The following ACOT11 variants were observed in gnomAD, a reference collection of about 807,000 sequenced individuals.
The protein encoded by ACOT11 is acyl-coenzyme A thioesterase 11.
A neutral mutation model predicts 77.5 loss-of-function variants in ACOT11; 69 were observed. That is an observed-to-expected ratio of 0.89 (90% CI 0.73 to 1.09). The LOEUF (loss-of-function observed/expected upper bound fraction) is 1.09, where lower values mean the gene tolerates loss of function less well. Ranked by LOEUF, ACOT11 falls within the 50% of genes least tolerant of loss-of-function variation. ACOT11 has a pLI of 0.00. For missense variants in ACOT11, 766 were observed against 813.7 expected (o/e 0.94, Z 0.71); for synonymous variants, 279 against 313.0 (o/e 0.89, Z 1.15).
Position 54,609,606 on chromosome 1 carries a change from C to G in ACOT11, c.*494C>G, listed in dbSNP as rs371266614. On this transcript the variant is annotated 3_prime_UTR_variant, in exon 16 of 16. Coordinates refer to ENST00000343744, the MANE Select transcript of ACOT11 (RefSeq NM_147161.4). ...TCAGGCCAGCCTGGTGCCACAGTCACGTGGGGGAAGACCTCAGCCACAGCT... is the reference window on the plus strand; with the variant it reads ...TCAGGCCAGCCTGGTGCCACAGTCAGGTGGGGGAAGACCTCAGCCACAGCT... 1.2e-6 allele frequency: 2 copies of G among 1,613,176 alleles called. No homozygotes were observed. Among genetic ancestry groups the G allele is most frequent in the African/African-American group, 2.7e-5 (2 of 74,858 alleles).
downstream of ACOT11, chr1:54,610,736 T>A: frequency 1.1e-6 from 1 of 915,342 alleles, no homozygotes; most frequent in Non-Finnish European, 1.3e-6. Flanking sequence ...CAAGGTCTTA[T>A]AAGCAGTAAG....
chr1:54,571,825 C>A (rs943181579), intron 1 of ACOT11, among the ~76,000 whole-genome samples: 2 of 152,030 alleles, frequency 1.3e-5, no homozygotes, highest in Non-Finnish European at 2.9e-5. Flanking sequence ...CCATCTGGGG[C>A]CTTGGGGTAG....
rs138824944 is a variant in ACOT11 at position 54,571,240 on chromosome 1, T to A, written c.34-13415T>A. Among the ~76,000 whole-genome samples the A allele has an allele frequency of 6.5e-4, 99 of 152,300 alleles. 2 individuals are homozygous for A. The East Asian group carries it at 0.017, about 26-fold the overall frequency. On this transcript the variant is annotated intron_variant, in intron 1 of 15. Transcript: ENST00000343744. ...AGTCTGAAGCCCTTGGGCCTTGCTG[T>A]CCTCTTTGCCAGCCCCCATGCCTTC...
chr1:54,580,058 T>C (rs1557654624), intron 1 of ACOT11, among the ~76,000 whole-genome samples: 1 of 152,206 alleles, frequency 6.6e-6, no homozygotes, highest in African/African-American at 2.4e-5. Flanking sequence ...CTTGGTGTTG[T>C]TTAATTTCCT....
At chr1:54,631,130 A>T (rs1644297351) in intron 16 of ACOT11, among the ~76,000 whole-genome samples, 1 of 152,116 alleles carries the variant, frequency 6.6e-6, no homozygotes, top group African/African-American at 2.4e-5. Context: ...GACTCCCCAG[A>T]TCTTTCTTTT....
Position 54,597,411 on chromosome 1 carries a change from G to A in ACOT11, c.760G>A (p.Ala254Thr), listed in dbSNP as rs773558097. The A allele has an allele frequency of 3.4e-5, 55 of 1,611,210 alleles. No homozygotes were observed. The East Asian group carries it at 1.2e-3, about 35-fold the overall frequency. ...GATGGAGAATGTGGCCACCATTGCA[G>A]CCAGGTGAGGGCAGGGTGTGCTGCC... is the stretch of plus-strand genomic sequence containing the variant. Reference protein sequence around the residue: ...AWMENVATIAASRLCRAHPTL... With the variant: ...AWMENVATIATSRLCRAHPTL... The change falls in exon 7 of 16, where the codon GCC becomes ACC. Residue 254 changes from alanine to threonine, a missense_variant. Physicochemically the swap from Ala to Thr is moderately conservative, Grantham distance 58 (BLOSUM62 0). Coordinates refer to ENST00000343744, the MANE Select transcript of ACOT11 (RefSeq NM_147161.4).
intron 1 of ACOT11, among the ~76,000 whole-genome samples, chr1:54,563,958 CG>C (rs1359982940): frequency 6.6e-6 from 1 of 151,478 alleles, no homozygotes; most frequent in Non-Finnish European, 1.5e-5. Context: ...CCCAGCTACT[CG>C]GGAGGCTGAG....
intron 2 of ACOT11, among the ~76,000 whole-genome samples, 172 bp downstream of exon 2, chr1:54,585,034 C>T (rs897417963): frequency 1.3e-5 from 2 of 152,200 alleles, no homozygotes; most frequent in African/African-American, 4.8e-5. Flanking sequence ...CAATGCTCAG[C>T]ACAGCCCACT....
chr1:54,638,066 C>T (rs1460599854), exon 17 of ACOT11: 2 of 152,134 alleles, frequency 1.3e-5, no homozygotes, highest in African/African-American at 4.8e-5. Context: ...AAGCTATCCT[C>T]CCACCATGGC....
At chr1:54,603,399 G>T (rs1249440066) in intron 10 of ACOT11, among the ~76,000 whole-genome samples, 1 of 152,218 alleles carries the variant, frequency 6.6e-6, no homozygotes, top group Non-Finnish European at 1.5e-5. Flanking sequence ...ACTCTGCTGT[G>T]AAAGCATTTA....
At chr1:54,611,883 T>C (rs1644122605), downstream of ACOT11, 1 of 959,674 alleles carries the variant, frequency 1.0e-6, no homozygotes, top group Non-Finnish European at 1.6e-6. Flanking sequence ...CACTTCTCCC[T>C]GAGTCCTACC....
At chr1:54,611,403 AAAAT>A (rs1238350509), downstream of ACOT11, among the ~76,000 whole-genome samples, 6 of 152,280 alleles carry the variant, frequency 3.9e-5, no homozygotes, top group South Asian at 2.1e-4. Context: ...ACATCTCAAA[AAAAT>A]AAATAAATAA....
chr1:54,548,308 C>A lies in ACOT11; in HGVS notation c.-2C>A. 1 of 1,597,462 alleles carries A rather than the reference C, an allele frequency of 6.3e-7. No homozygotes were observed. Among genetic ancestry groups the A allele is most frequent in the Non-Finnish European group, 8.5e-7 (1 of 1,172,560 alleles). On this transcript the variant is annotated 5_prime_UTR_variant, in exon 1 of 16. Transcript: ENST00000343744. ...CGCTGCTTTCCCCGGCCACCCGGCG[C>A]GATGATCCAGAATGTCGGAAATCAC...
intron 15 of ACOT11, among the ~76,000 whole-genome samples, chr1:54,624,576 A>G (rs749095179): frequency 6.6e-6 from 1 of 152,180 alleles, no homozygotes; most frequent in African/African-American, 2.4e-5. Flanking sequence ...TCTGGGGACC[A>G]CTGACAGGCG....
At chr1:54,576,433 G>C (rs1654115655) in intron 1 of ACOT11, among the ~76,000 whole-genome samples, 1 of 145,934 alleles carries the variant, frequency 6.9e-6, no homozygotes, top group African/African-American at 2.7e-5. Flanking sequence ...GGAGGTGGAG[G>C]CTGCAGTGAG....
At chr1:54,562,310 G>T (rs1352117452) in intron 1 of ACOT11, among the ~76,000 whole-genome samples, 3 of 102,076 alleles carry the variant, frequency 2.9e-5, no homozygotes, top group Admixed American at 8.2e-5. Flanking sequence ...CTGGCCGGGT[G>T]GGGGGGCTGA....
chr1:54,610,860 C>G, downstream of ACOT11: 7 of 985,346 alleles, frequency 7.1e-6, no homozygotes, highest in Non-Finnish European at 8.4e-6. Flanking sequence ...CTGATGGGGC[C>G]TCTTTGAGAT....
chr1:54,611,776 T>A (rs776213958), downstream of ACOT11: 1 of 1,612,790 alleles, frequency 6.2e-7, no homozygotes, highest in Non-Finnish European at 8.5e-7. Context: ...TCAGTGCCTG[T>A]CTGGGCCCAG....
Position 54,607,022 on chromosome 1 carries a change from TC to T in ACOT11, c.1371-109del. 1 of 1,461,710 alleles carries T rather than the reference TC, an allele frequency of 6.8e-7. No homozygotes were observed. Among genetic ancestry groups the T allele is most frequent in the Non-Finnish European group, 9.3e-7 (1 of 1,078,176 alleles). The allele number at this position is 1,461,710 out of a possible 1,614,324, so 90.5% of individuals were successfully genotyped here. A position where few individuals can be genotyped will look rare whatever the true frequency, so the allele number is the denominator to read the frequency against. On this transcript the variant is annotated intron_variant, in intron 13 of 15. Coordinates refer to ENST00000343744, the MANE Select transcript of ACOT11 (RefSeq NM_147161.4). The surrounding 1 kb of genome is among the most constrained non-coding windows in gnomAD (Gnocchi z 4.5). Reference sequence around the variant, plus strand: ...TTGCTGAGCAGTACAGGGGGTGACATCCCATCACAGAAGCTGCTCAGGCACT... The same window carrying T: ...TTGCTGAGCAGTACAGGGGGTGACATCCATCACAGAAGCTGCTCAGGCACT...
Sources: gnomAD v4.1 joint callset for allele counts (sites outside exome capture counted in the v4.1 genomes callset) on GRCh38, gnomAD v4.1.1 for gene constraint, Gnocchi (gnomAD v3.1) non-coding constraint, MANE v1.5 for transcripts, NCBI Gene and HGNC (gene_info 2026-07-23, HGNC 2026-07-21) for gene names.